Variants in LPIN1 observed in about 807,000 individuals in gnomAD.
LPIN1 encodes phosphatidate phosphatase LPIN1.
Under a neutral mutation model 107.5 loss-of-function variants are expected in LPIN1, and 71 were observed. The ratio of observed to expected loss-of-function variants is 0.66; its 90% CI spans 0.55 to 0.80. LPIN1 has a LOEUF of 0.80. Ranked by LOEUF, LPIN1 falls within the 30% of genes least tolerant of loss-of-function variation. The pLI, the probability that LPIN1 is intolerant of heterozygous loss-of-function variation, is 0.00. For synonymous variants in LPIN1, 445 were observed against 452.6 expected (o/e 0.98, Z 0.21); for missense variants, 1,043 against 1,160.6 (o/e 0.90, Z 1.47).
Position 11,779,600 on chromosome 2 carries a change from C to A in LPIN1, c.912C>A (p.Asn304Lys). ...SKSTERTGQKNPEMLWLWGEL... is the reference protein window; with the variant it reads ...SKSTERTGQKKPEMLWLWGEL... ...CCACGGAAAGGACAGGGCAGAAGAA[C>A]CCAGAAATGCTTTGGCTGTGGGGAG... Residue 304 changes from asparagine (N) to lysine (K), a missense_variant, in exon 7 of 21, where the codon AAC becomes AAA. Asn to Lys is a moderately conservative substitution (Grantham distance 94). Transcript: ENST00000674199. 6.2e-7 allele frequency: 1 copy of A among 1,614,128 alleles called. No individual in the cohort carries two copies. The highest frequency in any genetic ancestry group is 2.2e-5 in the East Asian group (1 of 44,886).
chr2:11,730,331 T>G (rs942350507), intron 1 of LPIN1, among the ~76,000 whole-genome samples: 4 of 152,222 alleles, frequency 2.6e-5, no homozygotes, highest in Non-Finnish European at 5.9e-5. Context: ...TTTGACTTGG[T>G]GCTTCCAGTT....
intron 3 of LPIN1, among the ~76,000 whole-genome samples, chr2:11,770,601 T>C (rs1671683582): frequency 6.6e-6 from 1 of 152,228 alleles, no homozygotes; most frequent in Admixed American, 6.5e-5. Flanking sequence ...CCAAACCTAT[T>C]TGAATGATCA....
upstream of LPIN1, among the ~76,000 whole-genome samples, chr2:11,722,766 T>G (rs1009304626): frequency 2.6e-5 from 4 of 152,166 alleles, no homozygotes; most frequent in Non-Finnish European, 5.9e-5. Context: ...CAAGTGGATG[T>G]TTTTTAGCTC....
intron 7 of LPIN1, among the ~76,000 whole-genome samples, chr2:11,780,211 CAAATT>C (rs1362778722): frequency 1.3e-5 from 2 of 152,280 alleles, no homozygotes; most frequent in African/African-American, 4.8e-5. Context: ...CAGCTAAATG[CAAATT>C]AAATTAAAGA....
intron 7 of LPIN1, 49 bp from the exon 8 acceptor site, chr2:11,782,152 T>C (rs1673667999): frequency 6.7e-7 from 1 of 1,492,472 alleles, no homozygotes; most frequent in African/African-American, 1.4e-5. Context: ...CTGGTTGCCT[T>C]TGTGCTGACC....
At chr2:11,693,838 T>C in intron 1 of LPIN1, among the ~76,000 whole-genome samples, 1 of 97,324 alleles carries the variant, frequency 1.0e-5, no homozygotes, top group Admixed American at 1.0e-4. Flanking sequence ...TTTTTTTTTT[T>C]TTTTTTTTTT....
At chr2:11,819,371 CT>C (rs1320907515) in intron 18 of LPIN1, 112 bp from the exon 19 acceptor site, 11 of 768,898 alleles carry the variant, frequency 1.4e-5, no homozygotes, top group African/African-American at 3.4e-5. Context: ...ACACACTAAA[CT>C]TTTGAAGATT....
upstream of LPIN1, among the ~76,000 whole-genome samples, chr2:11,721,260 ATG>A (rs1664116891): frequency 8.9e-6 from 1 of 112,358 alleles, no homozygotes; most frequent in Non-Finnish European, 1.8e-5. Flanking sequence ...ACTGTACTGC[ATG>A]CGTGTGTGTG....
chr2:11,767,415 G>A (rs1219258248), intron 2 of LPIN1: 1 of 311,992 alleles, frequency 3.2e-6, no homozygotes, highest in East Asian at 8.2e-5. Flanking sequence ...AGCTAGACCA[G>A]GTGGTCTCGG....
intron 1 of LPIN1, among the ~76,000 whole-genome samples, chr2:11,695,543 G>C (rs1662529784): frequency 6.6e-6 from 1 of 152,130 alleles, no homozygotes; most frequent in South Asian, 2.1e-4. Flanking sequence ...CAGGGTATGA[G>C]GGGGAGGGGA....
In LPIN1 at chr2:11,771,474, C is replaced by A. The variant is rs777924210; in HGVS notation, c.391C>A (p.Leu131Met). 1 of 1,614,228 alleles carries A rather than the reference C, an allele frequency of 6.2e-7. No individual in the cohort carries two copies. The highest frequency in any genetic ancestry group is 8.5e-7 in the Non-Finnish European group (1 of 1,180,050). ...KRGSVDRMRGLDPSTPAQVIA... is the reference protein window; with the variant it reads ...KRGSVDRMRGMDPSTPAQVIA... ...GGGCTCTGTGGACAGGATGAGAGGC[C>A]TGGACCCCAGCACGCCAGCCCAAGT... The change falls in exon 4 of 21, where the codon CTG (leucine) becomes ATG (methionine). Residue 131 changes from leucine to methionine, a missense_variant. Transcript: ENST00000674199. The surrounding 1 kb of genome is among the most constrained non-coding windows in gnomAD (Gnocchi z 4.8).
chr2:11,698,930 T>C (rs1457161837), intron 1 of LPIN1, among the ~76,000 whole-genome samples: 4 of 152,226 alleles, frequency 2.6e-5, no homozygotes, highest in Non-Finnish European at 4.4e-5. Context: ...TTGGGGAAAA[T>C]ATATGGAGGC....
chr2:11,695,533 C>G (rs772743230), intron 1 of LPIN1, among the ~76,000 whole-genome samples: 1 of 152,072 alleles, frequency 6.6e-6, no homozygotes, highest in South Asian at 2.1e-4. Flanking sequence ...GAGATGCAGT[C>G]AGGGTATGAG....
intron 1 of LPIN1, among the ~76,000 whole-genome samples, chr2:11,698,563 G>T (rs1241296820): frequency 1.3e-5 from 2 of 152,162 alleles, no homozygotes; most frequent in Admixed American, 6.5e-5. Context: ...GTTGTTAAAA[G>T]CTGGTCTTCT....
At chr2:11,746,826 G>C (rs62113307) in intron 1 of LPIN1, among the ~76,000 whole-genome samples, 155 bp downstream of exon 1, 41,247 of 151,946 alleles carry the variant, frequency 0.27, 10,696 homozygotes, top group African/African-American at 0.68. Context: ...TACGTCCCCG[G>C]GGCCCTCTAC....
intron 1 of LPIN1, among the ~76,000 whole-genome samples, chr2:11,751,330 T>C (rs74421580): frequency 0.016 from 2,452 of 152,256 alleles, 21 homozygotes; most frequent in African/African-American, 0.021. Context: ...TTTCCATCCT[T>C]CACTCCCAGT....
At chr2:11,820,176 G>A (rs1165243802) in intron 19 of LPIN1, among the ~76,000 whole-genome samples, 1 of 152,198 alleles carries the variant, frequency 6.6e-6, no homozygotes, top group Non-Finnish European at 1.5e-5. Flanking sequence ...TTGCGGGGAC[G>A]TGGTAGGTTG....
At position 11,824,721 on chromosome 2, in the gene LPIN1, G is replaced by A; in HGVS notation, c.2711G>A (p.Ser904Asn). Residue 904 changes from serine to asparagine, a missense_variant, in exon 21 of 21, where the codon AGT becomes AAT. Transcript: ENST00000674199. The part of the protein sequence containing the change: ...SSDFPCSDTF[S>N]NFTFWREPLP... Reference sequence around the variant, plus strand: ...GACTTTCCCTGTTCGGATACCTTCAGTAACTTCACCTTTTGGAGAGAGCCA... The same window carrying A: ...GACTTTCCCTGTTCGGATACCTTCAATAACTTCACCTTTTGGAGAGAGCCA... The A allele has an allele frequency of 1.9e-6, 3 of 1,614,192 alleles. No individual in the cohort carries two copies. The highest frequency in any genetic ancestry group is 2.5e-6 in the Non-Finnish European group (3 of 1,180,048).
At chr2:11,693,807 T>TATATATATAC (rs1662411010) in intron 1 of LPIN1, among the ~76,000 whole-genome samples, 1 of 26,874 alleles carries the variant, frequency 3.7e-5, no homozygotes, top group African/African-American at 9.3e-5. Flanking sequence ...TATATATATA[T>TATATATATAC]ATATATATAT....
Sources: allele counts gnomAD v4.1 joint callset (sites outside exome capture counted in the v4.1 genomes callset), GRCh38; gene constraint gnomAD v4.1.1; non-coding constraint Gnocchi (gnomAD v3.1); transcripts MANE v1.5; gene names NCBI Gene and HGNC (gene_info 2026-07-23, HGNC 2026-07-21).